CYP4X1: variants seen among roughly 807,000 people sequenced by gnomAD.
The protein encoded by CYP4X1 is cytochrome P450 4X1.
CYP4X1 carries 44 observed loss-of-function variants against 57.9 expected under a neutral mutation model. The observed-to-expected ratio is 0.76, with a 90% CI of 0.60 to 0.98. CYP4X1 has a LOEUF of 0.98. CYP4X1 is among the 50% of genes least tolerant of loss of function. The pLI is 0.00. For synonymous variants in CYP4X1, 227 were observed against 228.6 expected (o/e 0.99, Z 0.06); for missense variants, 532 against 623.9 (o/e 0.85, Z 1.57).
chr1:46,970,923 A>G, the CYP4X1 span, among the ~76,000 whole-genome samples: 1 of 152,126 alleles, frequency 6.6e-6, no homozygotes, highest in South Asian at 2.1e-4. Context: ...TGTCCATTAT[A>G]TGTTTTTTAA....
the CYP4X1 span, among the ~76,000 whole-genome samples, chr1:47,013,759 CTTTT>C: frequency 8.2e-6 from 1 of 122,118 alleles, no homozygotes; most frequent in Non-Finnish European, 1.7e-5. Flanking sequence ...TCAATATACT[CTTTT>C]TTTTTTTTTT....
At chr1:47,012,832 T>C in the CYP4X1 span, among the ~76,000 whole-genome samples, 1 of 152,244 alleles carries the variant, frequency 6.6e-6, no homozygotes, top group Non-Finnish European at 1.5e-5. Context: ...CACTTCCTGG[T>C]ACTTGGGAGT....
At chr1:46,965,505 C>A in the CYP4X1 span, among the ~76,000 whole-genome samples, 1 of 152,200 alleles carries the variant, frequency 6.6e-6, no homozygotes, top group Admixed American at 6.5e-5. Flanking sequence ...CAGTGCACTG[C>A]AGACCTTTGT....
Position 47,050,229 on chromosome 1 carries a change from T to TA in CYP4X1, c.*57dup, listed in dbSNP as rs1320672596. 220 of 1,587,302 alleles carry TA rather than the reference T, an allele frequency of 1.4e-4. 2 individuals carry two copies. The South Asian group carries it at 2.3e-3, about 17-fold the overall frequency. ...TGTTTTTCGAAGTTAAATTTACAGC[T>TA]AATGATCCAAGCAGATAGAAAGGGA... is the stretch of plus-strand genomic sequence containing the variant. On this transcript the variant is annotated 3_prime_UTR_variant, in exon 12 of 12. Coordinates refer to ENST00000371901, the MANE Select transcript of CYP4X1 (RefSeq NM_178033.2).
At chr1:46,961,719 A>T in the CYP4X1 span, 12 of 1,305,220 alleles carry the variant, frequency 9.2e-6, no homozygotes, top group Non-Finnish European at 6.0e-6. Context: ...GCAGAACCTC[A>T]AGCCCTAATA....
intron 8 of CYP4X1, among the ~76,000 whole-genome samples, chr1:47,040,931 C>T (rs1352607499): frequency 1.3e-5 from 2 of 152,118 alleles, no homozygotes; most frequent in African/African-American, 4.8e-5. Flanking sequence ...TATCCTTTGA[C>T]TAACATCCCT....
rs1349548835 is a variant in CYP4X1, at chr1:47,023,889, G to A, written c.72G>A (p.Leu24=). Residue 24 remains leucine, a synonymous_variant, in exon 1 of 12, where the codon CTG becomes CTA. Coordinates refer to ENST00000371901, the MANE Select transcript of CYP4X1 (RefSeq NM_178033.2). The part of the protein sequence containing the change: ...FYLAFVFCLA[L]GLLQAIKLYL... ...TGGCGTTCGTGTTCTGCCTGGCCCT[G>A]GGGCTGCTGCAGGCCATTAAGCTGT... 1 of 1,613,720 alleles carries A rather than the reference G, an allele frequency of 6.2e-7. No individual in the cohort carries two copies.
chr1:46,964,291 C>T, the CYP4X1 span, among the ~76,000 whole-genome samples: 8 of 152,198 alleles, frequency 5.3e-5, no homozygotes, highest in East Asian at 3.9e-4. Flanking sequence ...TGAGAAGCTG[C>T]GTTCCTTTGG....
At chr1:46,990,602 T>C in the CYP4X1 span, among the ~76,000 whole-genome samples, 2 of 152,174 alleles carry the variant, frequency 1.3e-5, no homozygotes, top group Admixed American at 1.3e-4. Context: ...CATGCACATG[T>C]ATGTTTATTG....
At chr1:47,053,684 T>G (rs530333643), downstream of CYP4X1, among the ~76,000 whole-genome samples, 21 of 152,378 alleles carry the variant, frequency 1.4e-4, no homozygotes, top group Non-Finnish European at 2.5e-4. Flanking sequence ...ATGAGCATTT[T>G]TTCATGTGTC....
intron 4 of CYP4X1, among the ~76,000 whole-genome samples, chr1:47,034,038 G>A (rs531359891): frequency 1.1e-4 from 17 of 152,332 alleles, no homozygotes; most frequent in Middle Eastern, 6.8e-3. Context: ...ATGGAGTTGC[G>A]TTAACTTCAC....
chr1:47,049,180 TA>T (rs1424573859), intron 10 of CYP4X1, among the ~76,000 whole-genome samples: 2 of 152,178 alleles, frequency 1.3e-5, no homozygotes, highest in African/African-American at 2.4e-5. Flanking sequence ...CATAGTACCC[TA>T]AAAAAATGTG....
intron 6 of CYP4X1, among the ~76,000 whole-genome samples, chr1:47,038,398 G>A (rs955569167): frequency 1.3e-5 from 2 of 152,014 alleles, no homozygotes; most frequent in East Asian, 3.8e-4. Context: ...AGAATAATTG[G>A]TCACTTGCAT....
the CYP4X1 span, among the ~76,000 whole-genome samples, chr1:46,980,220 A>C: frequency 6.6e-6 from 1 of 152,234 alleles, no homozygotes; most frequent in Non-Finnish European, 1.5e-5. Flanking sequence ...TTTTATATTT[A>C]GAAAACACCA....
chr1:47,002,718 C>A, the CYP4X1 span, among the ~76,000 whole-genome samples: 117 of 152,290 alleles, frequency 7.7e-4, no homozygotes, highest in African/African-American at 2.5e-3. Context: ...ACAACAGGAT[C>A]CTTCAAATGC....
chr1:46,982,756 C>T, the CYP4X1 span, among the ~76,000 whole-genome samples: 1 of 152,196 alleles, frequency 6.6e-6, no homozygotes, highest in South Asian at 2.1e-4. Flanking sequence ...TGCAGCTGTG[C>T]TCCTTCTCAG....
At chr1:47,003,358 C>T in the CYP4X1 span, among the ~76,000 whole-genome samples, 1 of 152,118 alleles carries the variant, frequency 6.6e-6, no homozygotes, top group East Asian at 1.9e-4. Flanking sequence ...AAATTGTCCC[C>T]ATATTGGGTG....
At chr1:47,031,639 C>T (rs184693328) in intron 3 of CYP4X1, among the ~76,000 whole-genome samples, 159 bp downstream of exon 3, 65 of 152,240 alleles carry the variant, frequency 4.3e-4, no homozygotes, top group African/African-American at 1.5e-3. Context: ...AAGGGGAGCT[C>T]TAAGGTCAAC....
chr1:46,993,980 G>A, the CYP4X1 span, among the ~76,000 whole-genome samples: 1,282 of 152,200 alleles, frequency 8.4e-3, 18 homozygotes, highest in East Asian at 0.046. Flanking sequence ...ATTGCTTTTC[G>A]TGTTTTAGAC....
Sources: gnomAD v4.1 joint callset for allele counts (sites outside exome capture counted in the v4.1 genomes callset) on GRCh38, gnomAD v4.1.1 for gene constraint, MANE v1.5 for transcripts, NCBI Gene and HGNC (gene_info 2026-07-23, HGNC 2026-07-21) for gene names.